COL24A1: variants seen among roughly 807,000 people sequenced by gnomAD.
COL24A1 encodes the protein collagen type XXIV alpha 1 chain.
A neutral mutation model predicts 253.9 loss-of-function variants in COL24A1; 224 were observed. The ratio of observed to expected loss-of-function variants is 0.88; its 90% CI spans 0.79 to 0.99. The LOEUF (loss-of-function observed/expected upper bound fraction) is 0.99. Among genes scored for constraint, COL24A1 ranks in the 50% least tolerant of loss-of-function variants. The pLI is 0.00. For missense variants in COL24A1, 2,131 were observed against 2,068.5 expected, an observed-to-expected ratio of 1.03 and a Z score of -0.59; for synonymous variants, 685 against 673.7, an observed-to-expected ratio of 1.02 and a Z score of -0.26.
At chr1:85,841,333 A>G (rs1184292308) in intron 41 of COL24A1, 55 bp from the exon 42 acceptor site, 6 of 1,217,138 alleles carry the variant, frequency 4.9e-6, no homozygotes, top group Middle Eastern at 1.9e-4. Flanking sequence ...TAAACATCAA[A>G]AACACACAAC....
chr1:86,006,887 C>T (rs519361), intron 19 of COL24A1, among the ~76,000 whole-genome samples: 1 of 151,960 alleles, frequency 6.6e-6, no homozygotes, highest in Non-Finnish European at 1.5e-5. Flanking sequence ...AGATGCTCCA[C>T]ATTATATGTC....
rs747083142 is a variant in COL24A1, at chr1:86,124,926, A to G, written c.1410T>C (p.Tyr470=). The G allele has an allele frequency of 1.2e-6, 2 of 1,612,274 alleles. No homozygotes were observed. The highest frequency in any genetic ancestry group is 1.7e-6 in the Non-Finnish European group (2 of 1,179,390). ...TTAGATCCTCATAATAATAATAATC[A>G]TAAAGCTCAGTTTCATAGCTATTTT... The part of the protein sequence containing the change: ...PIENSYETEL[Y]DYYYYEDLNT... The change falls in exon 3 of 60, where the codon TAT becomes TAC. Residue 470 remains tyrosine, a synonymous_variant. Coordinates refer to ENST00000370571, the MANE Select transcript of COL24A1 (RefSeq NM_152890.7).
Position 85,781,292 on chromosome 1 carries a change from A to G in COL24A1, c.4285-19T>C. The G allele has an allele frequency of 6.3e-7, 1 of 1,584,488 alleles. No homozygotes were observed. Among genetic ancestry groups the G allele is most frequent in the Non-Finnish European group, 8.6e-7 (1 of 1,165,026 alleles). On this transcript the variant is annotated intron_variant, in intron 51 of 59. Transcript: ENST00000370571. ...TGTTTCCCTGTTGAGGTAAAAGAAA[A>G]ACAGTCTCACTGTTAGTATAATTAA...
In COL24A1 at chr1:85,853,322, T is replaced by C. The variant is rs181982723; in HGVS notation, c.3301-3916A>G. 3.3e-5 allele frequency among the ~76,000 whole-genome samples: 5 copies of C among 152,346 alleles called. No individual in the cohort carries two copies. The East Asian group carries it at 9.6e-4, about 29-fold the overall frequency. On this transcript the variant is annotated intron_variant, in intron 37 of 59. Transcript: ENST00000370571. ...ATCTTGTTCTTTTTCTATGGCTGCA[T>C]AGGATTCCATGGTGTATACATACCA...
intron 7 of COL24A1, among the ~76,000 whole-genome samples, chr1:86,065,286 C>A (rs1225716106): frequency 2.0e-5 from 3 of 152,052 alleles, no homozygotes; most frequent in African/African-American, 7.2e-5. Context: ...TTTCTTTGGC[C>A]AACACCTGTT....
intron 37 of COL24A1, among the ~76,000 whole-genome samples, chr1:85,861,821 C>T (rs571784390): frequency 6.6e-6 from 1 of 152,268 alleles, no homozygotes; most frequent in African/African-American, 2.4e-5. Context: ...GATCTACTTC[C>T]TACCTATTTC....
chr1:85,893,321 G>A (rs559564065), intron 31 of COL24A1, among the ~76,000 whole-genome samples: 2 of 152,052 alleles, frequency 1.3e-5, no homozygotes, highest in South Asian at 4.2e-4. Context: ...AATTGATCAG[G>A]AAGACATAAT....
In COL24A1 at chr1:85,786,461, C is replaced by G. The variant is rs1438517180; in HGVS notation, c.3952G>C (p.Gly1318Arg). 2 of 1,611,748 alleles carry G rather than the reference C, an allele frequency of 1.2e-6. No homozygotes were observed. Among genetic ancestry groups the G allele is most frequent in the Non-Finnish European group, 1.7e-6 (2 of 1,179,000 alleles). ...IGPPGKQGLP[G>R]IRGGPGRTGL... ...GTTCTTCCTGGGCCGCCTCTGATGC[C>G]CTAAATAACACAGATAAGAAATGAA... is the stretch of plus-strand genomic sequence containing the variant. The change falls in exon 48 of 60, where the codon GGC becomes CGC. Residue 1318 changes from glycine (G) to arginine (R), a missense_variant and splice_region_variant. By Grantham distance (125) the Gly-to-Arg change is moderately radical (BLOSUM62 -2). Transcript: ENST00000370571.
intron 43 of COL24A1, among the ~76,000 whole-genome samples, chr1:85,829,227 T>C (rs554925287): frequency 3.2e-4 from 49 of 152,000 alleles, no homozygotes; most frequent in African/African-American, 1.1e-3. Flanking sequence ...AAAATTCTTT[T>C]CTTTAAGAAT....
intron 26 of COL24A1, among the ~76,000 whole-genome samples, chr1:85,909,350 T>C (rs1164903805): frequency 6.6e-6 from 1 of 151,858 alleles, no homozygotes; most frequent in Non-Finnish European, 1.5e-5. Flanking sequence ...GCATTTTCTG[T>C]ATGGAATATC....
At chr1:85,876,652 T>C (rs1467169152) in intron 33 of COL24A1, among the ~76,000 whole-genome samples, 1 of 152,102 alleles carries the variant, frequency 6.6e-6, no homozygotes, top group Non-Finnish European at 1.5e-5. Context: ...GAAGGTGAAG[T>C]GACAACAGGA....
intron 24 of COL24A1, among the ~76,000 whole-genome samples, chr1:85,954,444 T>G (rs1371108180): frequency 6.6e-6 from 1 of 152,176 alleles, no homozygotes; most frequent in Non-Finnish European, 1.5e-5. Context: ...TATCTCCTTA[T>G]CAGTCCCAGC....
intron 35 of COL24A1, among the ~76,000 whole-genome samples, chr1:85,869,973 C>T (rs927260880): frequency 9.9e-5 from 15 of 152,034 alleles, no homozygotes; most frequent in South Asian, 2.1e-4. Context: ...CAGAGACACA[C>T]GATGGCTCAA....
chr1:86,048,198 G>A (rs1241688106), intron 11 of COL24A1, among the ~76,000 whole-genome samples: 1 of 150,032 alleles, frequency 6.7e-6, no homozygotes, highest in East Asian at 1.9e-4. Flanking sequence ...GTATATATGT[G>A]TACATGTTTC....
intron 24 of COL24A1, among the ~76,000 whole-genome samples, chr1:85,933,558 G>T (rs765123175): frequency 6.6e-6 from 1 of 152,162 alleles, no homozygotes; most frequent in African/African-American, 2.4e-5. Flanking sequence ...GTGCAAAGGT[G>T]CCATATAACC....
intron 35 of COL24A1, among the ~76,000 whole-genome samples, chr1:85,872,384 C>G (rs1435675319): frequency 6.6e-6 from 1 of 152,114 alleles, no homozygotes; most frequent in Non-Finnish European, 1.5e-5. Context: ...CCTGCATTAC[C>G]AAGACAATCC....
chr1:85,860,870 T>C (rs1679067257), intron 37 of COL24A1, among the ~76,000 whole-genome samples: 1 of 152,268 alleles, frequency 6.6e-6, no homozygotes, highest in Admixed American at 6.5e-5. Flanking sequence ...TCCTTTTTAT[T>C]GTCAAATAAT....
chr1:86,125,043 G>A lies in COL24A1; in HGVS notation c.1293C>T (p.Ser431=), dbSNP rs1026417483. The A allele has an allele frequency of 6.2e-7, 1 of 1,612,978 alleles. No homozygotes were observed. The highest frequency in any genetic ancestry group is 8.5e-7 in the Non-Finnish European group (1 of 1,179,524). The change falls in exon 3 of 60, where the codon AGC becomes AGT. Residue 431 remains serine (S), a synonymous_variant. Transcript: ENST00000370571. The stretch of plus-strand genomic sequence containing the variant: ...ATGGCTCATTTGTCACTCTATGCAA[G>A]CTTGTGTTTAAAATTGGTTGCATTT... ...LMEMQPILNT[S]LHRVTNEPSV... is the part of the protein sequence containing the mutation.
chr1:86,145,746 C>T (rs77740385), intron 2 of COL24A1, among the ~76,000 whole-genome samples: 1,625 of 151,994 alleles, frequency 0.011, 36 homozygotes, highest in African/African-American at 0.038. Context: ...CAAATCTGGA[C>T]GGAACATTTT....
Sources: gnomAD v4.1 joint callset for allele counts (sites outside exome capture counted in the v4.1 genomes callset) on GRCh38, gnomAD v4.1.1 for gene constraint, MANE v1.5 for transcripts, NCBI Gene and HGNC (gene_info 2026-07-23, HGNC 2026-07-21) for gene names.